PUDP: variants seen among roughly 807,000 people sequenced by gnomAD.
PUDP encodes pseudouridine 5'-phosphatase.
A neutral mutation model predicts 9.4 loss-of-function variants in PUDP; 8 were observed. That is an observed-to-expected ratio of 0.85 (90% CI 0.50 to 1.53). PUDP has a LOEUF of 1.53. Among genes scored for constraint, PUDP ranks in the 40% most tolerant of loss-of-function variants. PUDP has a pLI of 0.00. For synonymous variants in PUDP, 99 were observed against 80.7 expected (o/e 1.23, Z -1.22); for missense variants, 188 against 189.7 (o/e 0.99, Z 0.05).
intron 3 of PUDP, among the ~76,000 whole-genome samples, chrX:6,878,045 A>G (rs1023195629): frequency 8.9e-6 from 1 of 112,279 alleles, no homozygotes; most frequent in Non-Finnish European, 1.9e-5. Flanking sequence ...CATTTTCTAA[A>G]ACTGGCTTGT....
intron 1 of PUDP, among the ~76,000 whole-genome samples, chrX:7,113,694 T>C (rs1305028756): frequency 1.8e-5 from 2 of 112,344 alleles, no homozygotes; most frequent in African/African-American, 6.5e-5. Context: ...TTGTTCAATT[T>C]ATTTAAAATG....
At chrX:6,773,205 T>G (rs1436034943) in intron 3 of PUDP, among the ~76,000 whole-genome samples, 2 of 112,084 alleles carry the variant, frequency 1.8e-5, no homozygotes, top group African/African-American at 6.5e-5. Context: ...ACTCTAACTC[T>G]GAGGATGAAA....
intron 3 of PUDP, among the ~76,000 whole-genome samples, chrX:6,954,104 G>T (rs1928592734): frequency 9.1e-6 from 1 of 109,967 alleles, no homozygotes; most frequent in African/African-American, 3.3e-5. Flanking sequence ...GTTTCCTGAG[G>T]CATCCCCAGC....
chrX:6,863,591 A>G (rs1249376269), intron 3 of PUDP, among the ~76,000 whole-genome samples: 1 of 112,212 alleles, frequency 8.9e-6, no homozygotes, highest in African/African-American at 3.2e-5. Context: ...ACATACATGT[A>G]ACTTATGTCT....
chrX:6,943,385 C>A (rs373081256), intron 3 of PUDP, among the ~76,000 whole-genome samples: 4 of 108,739 alleles, frequency 3.7e-5, no homozygotes, highest in South Asian at 8.3e-4. Flanking sequence ...TCTTTCATCT[C>A]GGTAGAAATT....
At chrX:6,949,767 G>A (rs1928521322) in intron 3 of PUDP, among the ~76,000 whole-genome samples, 1 of 111,918 alleles carries the variant, frequency 8.9e-6, no homozygotes, top group Non-Finnish European at 1.9e-5. Context: ...TCTGGGTCAG[G>A]AATCCGGGCA....
chrX:6,956,612 T>C (rs1436674510), intron 3 of PUDP, among the ~76,000 whole-genome samples: 3 of 111,716 alleles, frequency 2.7e-5, no homozygotes, highest in East Asian at 5.6e-4. Context: ...TCTCTGCAAC[T>C]GTAAAGTGTT....
At chrX:6,897,275 C>A (rs1474676991) in intron 3 of PUDP, among the ~76,000 whole-genome samples, 1 of 111,910 alleles carries the variant, frequency 8.9e-6, no homozygotes, top group Non-Finnish European at 1.9e-5. Context: ...TGTTTGATTT[C>A]TTTAGTGTAT....
At chrX:6,881,703 G>T (rs1016462749) in intron 3 of PUDP, among the ~76,000 whole-genome samples, 4 of 110,727 alleles carry the variant, frequency 3.6e-5, no homozygotes, top group Non-Finnish European at 7.5e-5. Flanking sequence ...ATGCCACCTG[G>T]GTTTAAGTAT....
chrX:7,138,672 C>T (rs1032288811), intron 1 of PUDP, among the ~76,000 whole-genome samples: 2 of 111,435 alleles, frequency 1.8e-5, no homozygotes, highest in Non-Finnish European at 1.9e-5. Flanking sequence ...TGTCCCCAGC[C>T]CCAGTCTCGT....
chrX:6,972,026 G>T (rs891489716), intron 3 of PUDP, among the ~76,000 whole-genome samples: 8 of 111,753 alleles, frequency 7.2e-5, no homozygotes, highest in African/African-American at 2.6e-4. Flanking sequence ...TCTATTATTG[G>T]TGTATAGGAA....
intron 3 of PUDP, among the ~76,000 whole-genome samples, chrX:6,956,846 T>C (rs1928635803): frequency 9.0e-6 from 1 of 111,229 alleles, no homozygotes; most frequent in South Asian, 3.8e-4. Flanking sequence ...AGGAGTCACT[T>C]CCTGGTGAGT....
chrX:7,145,228 C>A (rs1239245544), intron 1 of PUDP, among the ~76,000 whole-genome samples: 1 of 112,310 alleles, frequency 8.9e-6, no homozygotes, highest in Non-Finnish European at 1.9e-5. Context: ...GGTTACATAA[C>A]ATACATCATC....
At chrX:7,044,446 C>T (rs927139311), downstream of PUDP, among the ~76,000 whole-genome samples, 35 of 112,534 alleles carry the variant, frequency 3.1e-4, no homozygotes, top group Admixed American at 1.1e-3. Flanking sequence ...CTTTTCTCCT[C>T]TAATTACCAA....
At chrX:6,932,015 G>T (rs1402553805) in intron 3 of PUDP, among the ~76,000 whole-genome samples, 1 of 111,850 alleles carries the variant, frequency 8.9e-6, no homozygotes, top group African/African-American at 3.2e-5. Flanking sequence ...CTTATCTCAG[G>T]AAATATCTTA....
intron 1 of PUDP, among the ~76,000 whole-genome samples, chrX:7,020,000 G>A (rs1368351996): frequency 9.1e-6 from 1 of 109,892 alleles, no homozygotes; most frequent in Non-Finnish European, 1.9e-5. Flanking sequence ...GAATAGTATT[G>A]GAAGGAGGAT....
At chrX:7,061,750 C>T (rs1405630176) in intron 3 of PUDP, among the ~76,000 whole-genome samples, 1 of 111,771 alleles carries the variant, frequency 8.9e-6, no homozygotes, top group Non-Finnish European at 1.9e-5. Flanking sequence ...ACAAATAACA[C>T]TATTCCAGGT....
At position 6,898,347 on chromosome X, in the gene PUDP, G is replaced by A. The variant is rs193298040; in HGVS notation, c.*247+78786C>T. Reference sequence around the variant, plus strand: ...GGCAAAAGACATGTCAAGATTCATCGAGTTCATGCATTTTTATTTTTTCAA... The same window carrying A: ...GGCAAAAGACATGTCAAGATTCATCAAGTTCATGCATTTTTATTTTTTCAA... On this transcript the variant is annotated intron_variant and NMD_transcript_variant, in intron 3 of 3. Transcript: ENST00000655425. Among the ~76,000 whole-genome samples the A allele has an allele frequency of 2.0e-3, 220 of 112,660 alleles. 1 individual carries two copies. The highest frequency in any genetic ancestry group is 7.0e-3 in the African/African-American group (217 of 31,126).
At chrX:6,968,821 C>T (rs1047219498) in intron 3 of PUDP, among the ~76,000 whole-genome samples, 8 of 111,080 alleles carry the variant, frequency 7.2e-5, no homozygotes, top group Non-Finnish European at 1.1e-4. Flanking sequence ...GGTTTCACTA[C>T]GTTGGCCAGG....
Sources: gnomAD v4.1 joint callset for allele counts (sites outside exome capture counted in the v4.1 genomes callset) on GRCh38, gnomAD v4.1.1 for gene constraint, MANE v1.5 for transcripts, NCBI Gene and HGNC (gene_info 2026-07-23, HGNC 2026-07-21) for gene names.